HYCC2: variants seen among roughly 807,000 people sequenced by gnomAD.
The protein encoded by HYCC2 is hyccin 2.
At chr2:201,049,197 T>G in the HYCC2 span, among the ~76,000 whole-genome samples, 1 of 150,074 alleles carries the variant, frequency 6.7e-6, no homozygotes, top group East Asian at 1.9e-4. Context: ...GATAAAGCCA[T>G]AATAATAGTT....
chr2:201,060,428 T>C, the HYCC2 span, among the ~76,000 whole-genome samples: 4 of 152,200 alleles, frequency 2.6e-5, no homozygotes, highest in Non-Finnish European at 5.9e-5. Flanking sequence ...AGAGAGGTTT[T>C]TTTAAAAGAT....
At chr2:201,026,672 A>G in the HYCC2 span, among the ~76,000 whole-genome samples, 1 of 152,212 alleles carries the variant, frequency 6.6e-6, no homozygotes, top group South Asian at 2.1e-4. Context: ...ACTCAAAACC[A>G]CACAACTACA....
At chr2:200,994,014 A>T in the HYCC2 span, among the ~76,000 whole-genome samples, 2 of 152,096 alleles carry the variant, frequency 1.3e-5, no homozygotes, top group Non-Finnish European at 2.9e-5. Context: ...ATATTAAGAT[A>T]AAACCATGTG....
At chr2:201,000,623 T>C in the HYCC2 span, among the ~76,000 whole-genome samples, 1 of 152,106 alleles carries the variant, frequency 6.6e-6, no homozygotes, top group Non-Finnish European at 1.5e-5. Flanking sequence ...TGTAGAAACG[T>C]AAAATGGTAC....
chr2:201,002,619 G>A, the HYCC2 span, among the ~76,000 whole-genome samples: 7 of 151,392 alleles, frequency 4.6e-5, no homozygotes, highest in African/African-American at 1.7e-4. Flanking sequence ...TCCGCCTCCC[G>A]GGTTCAAGCG....
chr2:201,064,899 T>G, the HYCC2 span, among the ~76,000 whole-genome samples: 1 of 152,198 alleles, frequency 6.6e-6, no homozygotes, highest in Non-Finnish European at 1.5e-5. Context: ...TTTCCCTCAA[T>G]GGGAACACCT....
the HYCC2 span, among the ~76,000 whole-genome samples, chr2:201,058,374 A>T: frequency 6.6e-6 from 1 of 152,332 alleles, no homozygotes; most frequent in Admixed American, 6.5e-5. Flanking sequence ...AAACAATAAA[A>T]CAACCAGCCA....
the HYCC2 span, chr2:200,975,702 T>C: frequency 6.6e-6 from 1 of 152,132 alleles, no homozygotes; most frequent in Non-Finnish European, 1.5e-5. Context: ...TGCTAATTTC[T>C]ATCCTGAATT....
the HYCC2 span, among the ~76,000 whole-genome samples, chr2:201,052,503 G>A: frequency 3.2e-4 from 48 of 152,220 alleles, no homozygotes; most frequent in African/African-American, 1.1e-3. Context: ...AGCTACTCAG[G>A]AGGCTGAGGT....
chr2:200,992,448 C>T, the HYCC2 span: 6 of 997,908 alleles, frequency 6.0e-6, no homozygotes, highest in Non-Finnish European at 7.8e-6. Flanking sequence ...CCAAGTCCTG[C>T]TATTTTGGTT....
At chr2:201,070,588 G>A in the HYCC2 span, among the ~76,000 whole-genome samples, 1 of 151,856 alleles carries the variant, frequency 6.6e-6, no homozygotes, top group Admixed American at 6.6e-5. Flanking sequence ...GGAGGCGAAG[G>A]TTGCTGTGAG....
At chr2:200,997,685 T>A in the HYCC2 span, 9 of 588,092 alleles carry the variant, frequency 1.5e-5, no homozygotes, top group Non-Finnish European at 2.8e-5. Context: ...CTGTTTATAT[T>A]CTCCTTATTA....
At chr2:201,060,279 T>C in the HYCC2 span, among the ~76,000 whole-genome samples, 1 of 152,170 alleles carries the variant, frequency 6.6e-6, no homozygotes, top group Non-Finnish European at 1.5e-5. Flanking sequence ...CCATCCAATA[T>C]AGATCCTTAC....
chr2:201,042,564 C>A, the HYCC2 span, among the ~76,000 whole-genome samples: 1 of 151,544 alleles, frequency 6.6e-6, no homozygotes, highest in East Asian at 2.0e-4. Flanking sequence ...CGTCTCTGAC[C>A]AGCCGCCCCG....
chr2:201,042,117 T>A, the HYCC2 span, among the ~76,000 whole-genome samples: 1 of 152,160 alleles, frequency 6.6e-6, no homozygotes, highest in African/African-American at 2.4e-5. Flanking sequence ...CCGCCACACC[T>A]GACTGGTTTT....
chr2:200,996,028 C>CTTTTTTTTTTTTT, the HYCC2 span: 3 of 115,506 alleles, frequency 2.6e-5, no homozygotes, highest in Admixed American at 9.2e-5. Flanking sequence ...TTTCTTTTTT[C>CTTTTTTTTTTTTT]TTTTTTTTTT....
chr2:201,030,618 G>C, the HYCC2 span, among the ~76,000 whole-genome samples: 1 of 142,578 alleles, frequency 7.0e-6, no homozygotes, highest in African/African-American at 2.6e-5. Flanking sequence ...TCACCCTATC[G>C]CCCAGACTGA....
chr2:201,030,233 G>A, the HYCC2 span, among the ~76,000 whole-genome samples: 1 of 151,992 alleles, frequency 6.6e-6, no homozygotes, highest in African/African-American at 2.4e-5. Context: ...TTTATTTACT[G>A]GAAAATTAAA....
the HYCC2 span, among the ~76,000 whole-genome samples, chr2:201,033,192 T>TGA: frequency 3.0e-5 from 4 of 131,730 alleles, no homozygotes; most frequent in African/African-American, 6.3e-5. Context: ...TGTGTGTGTG[T>TGA]GTGTGAGAGA....
Sources: allele counts gnomAD v4.1 joint callset (sites outside exome capture counted in the v4.1 genomes callset), GRCh38; gene constraint gnomAD v4.1.1; transcripts MANE v1.5; gene names NCBI Gene and HGNC (gene_info 2026-07-23, HGNC 2026-07-21).